Variants in MAPKAP1 observed in about 807,000 individuals in gnomAD.
The protein encoded by MAPKAP1 is target of rapamycin complex 2 subunit MAPKAP1.
A neutral mutation model predicts 65.7 loss-of-function variants in MAPKAP1; 20 were observed. The observed-to-expected ratio is 0.30, with a 90% CI of 0.21 to 0.44. The LOEUF (loss-of-function observed/expected upper bound fraction) is 0.44, where lower values mean the gene tolerates loss of function less well. Ranked by LOEUF, MAPKAP1 falls within the 20% of genes least tolerant of loss-of-function variation. The pLI, the probability that MAPKAP1 is intolerant of heterozygous loss-of-function variation, is 1.00. For missense variants in MAPKAP1, 423 were observed against 648.0 expected (o/e 0.65, Z 3.77); for synonymous variants, 222 against 244.3 (o/e 0.91, Z 0.85).
rs531031972 is a variant in MAPKAP1, at chr9:125,612,172, T to C, written c.499-26445A>G. Among the ~76,000 whole-genome samples, 3 of 152,352 alleles carry C rather than the reference T, an allele frequency of 2.0e-5. No individual in the cohort carries two copies. The South Asian group carries it at 6.2e-4, about 32-fold the overall frequency. ...TTACTTATAAGCGCTCAAAAAGTTT[T>C]AGATTTTGGAGCATTTTAAACTTCA... On this transcript the variant is annotated intron_variant, in intron 4 of 11. Coordinates refer to ENST00000265960, the MANE Select transcript of MAPKAP1 (RefSeq NM_001006617.3).
chr9:125,557,710 C>CT, intron 6 of MAPKAP1, among the ~76,000 whole-genome samples: 1 of 150,752 alleles, frequency 6.6e-6, no homozygotes, highest in South Asian at 2.1e-4. Context: ...AACCCATACA[C>CT]TTTTCTTTTA....
intron 4 of MAPKAP1, among the ~76,000 whole-genome samples, chr9:125,608,804 C>T (rs1351891564): frequency 6.6e-6 from 1 of 152,122 alleles, no homozygotes; most frequent in Admixed American, 6.5e-5. Context: ...TTAAATCAAA[C>T]GTTTCAAATA....
chr9:125,473,669 G>A (rs913865161), intron 9 of MAPKAP1, among the ~76,000 whole-genome samples: 10 of 152,174 alleles, frequency 6.6e-5, no homozygotes, highest in African/African-American at 2.2e-4. Context: ...TTAGCACCGC[G>A]TAGCATCTTC....
In MAPKAP1 at chr9:125,447,278, T is replaced by C; in HGVS notation, c.1346-2680A>G. 2.5e-6 allele frequency: 1 copy of C among 395,898 alleles called. No individual in the cohort carries two copies. The highest frequency in any genetic ancestry group is 5.2e-6 in the Non-Finnish European group (1 of 192,576). 24.5% of individuals were successfully genotyped at this position (395,898 alleles called of 1,614,324 possible). On this transcript the variant is annotated intron_variant, in intron 10 of 11. Transcript: ENST00000265960. The surrounding 1 kb of genome is among the most constrained non-coding windows in gnomAD (Gnocchi z 4.5). Reference sequence around the variant, plus strand: ...GAAGAGTCCCAACATTCCCCCACTCTCCCTCAAGCCTCCGGTCTGTTTGTC... The same window carrying C: ...GAAGAGTCCCAACATTCCCCCACTCCCCCTCAAGCCTCCGGTCTGTTTGTC...
At chr9:125,531,444 T>C (rs184121662) in intron 7 of MAPKAP1, among the ~76,000 whole-genome samples, 11 of 152,346 alleles carry the variant, frequency 7.2e-5, no homozygotes, top group East Asian at 5.8e-4. Flanking sequence ...TGAGTATTAG[T>C]AAGTGGTGAT....
chr9:125,448,496 C>G (rs1023619923), intron 10 of MAPKAP1, among the ~76,000 whole-genome samples: 1 of 152,170 alleles, frequency 6.6e-6, no homozygotes, highest in Admixed American at 6.5e-5. Context: ...CAGCCTCAGA[C>G]ACCTCACAGT....
intron 1 of MAPKAP1, among the ~76,000 whole-genome samples, chr9:125,689,668 G>A (rs1835105091): frequency 6.6e-6 from 1 of 150,528 alleles, no homozygotes; most frequent in African/African-American, 2.4e-5. Flanking sequence ...GAACCCGGGA[G>A]GTGGAGGTTG....
At chr9:125,584,914 T>C (rs1831734672) in intron 5 of MAPKAP1, among the ~76,000 whole-genome samples, 1 of 152,220 alleles carries the variant, frequency 6.6e-6, no homozygotes, top group African/African-American at 2.4e-5. Context: ...TCTCAAGCAC[T>C]ACATTTTAAA....
chr9:125,577,971 C>T (rs1234337718), intron 5 of MAPKAP1, among the ~76,000 whole-genome samples: 152 of 151,588 alleles, frequency 1.0e-3, no homozygotes, highest in Non-Finnish European at 1.6e-3. Context: ...ATGACAATGG[C>T]GGTTTTGTGG....
intron 1 of MAPKAP1, among the ~76,000 whole-genome samples, chr9:125,697,548 C>G (rs1450618044): frequency 6.6e-6 from 1 of 152,124 alleles, no homozygotes; most frequent in Non-Finnish European, 1.5e-5. Context: ...TCTAAGATGA[C>G]TGTATATTAT....
chr9:125,459,739 G>A (rs1030025147), intron 10 of MAPKAP1, among the ~76,000 whole-genome samples: 12 of 152,054 alleles, frequency 7.9e-5, no homozygotes, highest in Non-Finnish European at 1.0e-4. Context: ...CAGGCAGGGA[G>A]GTTGCAGTGA....
chr9:125,480,852 G>A (rs1250212205), intron 9 of MAPKAP1, among the ~76,000 whole-genome samples: 3 of 151,656 alleles, frequency 2.0e-5, no homozygotes, highest in African/African-American at 7.3e-5. Context: ...GGCGCCTGTA[G>A]TCCCAGCTAC....
At chr9:125,612,535 G>A (rs1018805121) in intron 4 of MAPKAP1, among the ~76,000 whole-genome samples, 2 of 152,114 alleles carry the variant, frequency 1.3e-5, no homozygotes, top group Middle Eastern at 3.2e-3. Context: ...GTTCCTAAAC[G>A]CACTGTCTAT....
intron 11 of MAPKAP1, among the ~76,000 whole-genome samples, chr9:125,443,405 GC>G (rs1852568092): frequency 6.6e-6 from 1 of 152,148 alleles, no homozygotes; most frequent in African/African-American, 2.4e-5. Flanking sequence ...CCCCTGCTCT[GC>G]CACAGCAGCT....
At chr9:125,596,723 C>T (rs1832136671) in intron 4 of MAPKAP1, 1 of 515,152 alleles carries the variant, frequency 1.9e-6, no homozygotes. Flanking sequence ...CAGCCAAGCA[C>T]AGTGGTGGCA....
chr9:125,648,553 C>T (rs907497927), intron 4 of MAPKAP1, among the ~76,000 whole-genome samples: 2 of 152,198 alleles, frequency 1.3e-5, no homozygotes, highest in African/African-American at 4.8e-5. Flanking sequence ...AGGACTAACA[C>T]TCAAGTCTTC....
chr9:125,707,019 C>T lies in MAPKAP1; in HGVS notation c.-118G>A. ...GCCGGGTCGGCCCCGGGACACGTTC[C>T]TGAGGGGAGGGCCCGGCTCCCCCAC... On this transcript the variant is annotated 5_prime_UTR_variant, in exon 1 of 12. Transcript: ENST00000265960. 2.5e-6 allele frequency: 1 copy of T among 397,358 alleles called. No homozygotes were observed. Among genetic ancestry groups the T allele is most frequent in the Non-Finnish European group, 4.4e-6 (1 of 225,468 alleles). The allele number at this position is 397,358 out of a possible 1,614,324, so 24.6% of individuals were successfully genotyped here. A position where few individuals can be genotyped will look rare whatever the true frequency, so the allele number is the denominator to read the frequency against.
chr9:125,535,078 C>T (rs1830035685), intron 7 of MAPKAP1, among the ~76,000 whole-genome samples: 1 of 152,200 alleles, frequency 6.6e-6, no homozygotes, highest in South Asian at 2.1e-4. Context: ...TATTTTTAAG[C>T]TCACTTATCA....
chr9:125,509,243 T>A (rs1283970480), intron 7 of MAPKAP1, among the ~76,000 whole-genome samples: 1 of 151,602 alleles, frequency 6.6e-6, no homozygotes, highest in Non-Finnish European at 1.5e-5. Context: ...ACTCCACAGA[T>A]ATATATAAAC....
Sources: gnomAD v4.1 joint callset for allele counts (sites outside exome capture counted in the v4.1 genomes callset) on GRCh38, gnomAD v4.1.1 for gene constraint, Gnocchi (gnomAD v3.1) non-coding constraint, MANE v1.5 for transcripts, NCBI Gene and HGNC (gene_info 2026-07-23, HGNC 2026-07-21) for gene names.